Variants in ACTR3C observed in about 807,000 individuals in gnomAD.
ACTR3C encodes the protein actin related protein 3C, also known as actin-related protein 3C.
A neutral mutation model predicts 26.3 loss-of-function variants in ACTR3C; 18 were observed. That is an observed-to-expected ratio of 0.68 (90% CI 0.47 to 1.01). The LOEUF (loss-of-function observed/expected upper bound fraction) is 1.01. ACTR3C is among the 50% of genes least tolerant of loss of function. ACTR3C has a pLI of 0.00. For synonymous variants in ACTR3C, 55 were observed against 94.5 expected, an observed-to-expected ratio of 0.58 and a Z score of 2.42; for missense variants, 184 against 250.7, an observed-to-expected ratio of 0.73 and a Z score of 1.80.
At chr7:149,980,590 C>CCATT in the ACTR3C span, among the ~76,000 whole-genome samples, 66 of 152,286 alleles carry the variant, frequency 4.3e-4, no homozygotes, top group East Asian at 9.6e-4. Context: ...CAGTAAATGT[C>CCATT]CATTCATTCA....
chr7:149,978,120 G>A, the ACTR3C span, among the ~76,000 whole-genome samples: 12 of 151,990 alleles, frequency 7.9e-5, no homozygotes, highest in African/African-American at 2.9e-4. Flanking sequence ...TTCCACTTCT[G>A]CCATAGCCCT....
At chr7:150,159,973 T>G in the ACTR3C span, among the ~76,000 whole-genome samples, 21 of 152,210 alleles carry the variant, frequency 1.4e-4, no homozygotes, top group Non-Finnish European at 1.0e-4. Flanking sequence ...TTTTGTATTT[T>G]TAGTAGAGAC....
At chr7:150,192,458 C>T in the ACTR3C span, among the ~76,000 whole-genome samples, 2 of 152,058 alleles carry the variant, frequency 1.3e-5, no homozygotes, top group East Asian at 1.9e-4. Context: ...CATATCACCA[C>T]GTCCAGTTAA....
At chr7:150,188,815 C>G in the ACTR3C span, among the ~76,000 whole-genome samples, 1 of 151,440 alleles carries the variant, frequency 6.6e-6, no homozygotes, top group Non-Finnish European at 1.5e-5. Context: ...CTCATTCCCC[C>G]CAAAATACAA....
chr7:150,058,038 G>A, the ACTR3C span, among the ~76,000 whole-genome samples: 3 of 152,088 alleles, frequency 2.0e-5, no homozygotes, highest in Non-Finnish European at 4.4e-5. Flanking sequence ...TCCCAGATTC[G>A]GTGACTTTTA....
chr7:149,977,794 G>A, the ACTR3C span, among the ~76,000 whole-genome samples: 1 of 152,196 alleles, frequency 6.6e-6, no homozygotes, highest in Non-Finnish European at 1.5e-5. Flanking sequence ...ATCTGGTAAA[G>A]AGTATGGTGA....
the ACTR3C span, among the ~76,000 whole-genome samples, chr7:150,135,967 TTG>T: frequency 5.1e-4 from 78 of 152,122 alleles, no homozygotes; most frequent in African/African-American, 1.8e-3. Flanking sequence ...CTACAGATTC[TTG>T]CCAGGCATCT....
chr7:149,962,839 G>C, the ACTR3C span, among the ~76,000 whole-genome samples: 1 of 152,152 alleles, frequency 6.6e-6, no homozygotes, highest in Non-Finnish European at 1.5e-5. Context: ...CAGAAACTAC[G>C]TATCTCACTC....
At chr7:149,884,070 C>G in the ACTR3C span, among the ~76,000 whole-genome samples, 1 of 152,150 alleles carries the variant, frequency 6.6e-6, no homozygotes, top group South Asian at 2.1e-4. Context: ...AAGAGCAGCC[C>G]TCAGTTAATT....
chr7:150,006,314 A>G, the ACTR3C span, among the ~76,000 whole-genome samples: 1 of 151,248 alleles, frequency 6.6e-6, no homozygotes, highest in African/African-American at 2.4e-5. Flanking sequence ...CTCCTGCCTC[A>G]GCCTCCCGAG....
chr7:150,113,173 C>T, the ACTR3C span, among the ~76,000 whole-genome samples: 4 of 151,656 alleles, frequency 2.6e-5, no homozygotes, highest in Non-Finnish European at 2.9e-5. Context: ...GCCACTCTAC[C>T]TCACGCTGCT....
chr7:150,008,692 G>A, the ACTR3C span, among the ~76,000 whole-genome samples: 1 of 150,448 alleles, frequency 6.6e-6, no homozygotes, highest in South Asian at 2.1e-4. Flanking sequence ...ATCTCACACT[G>A]AGACTCAACT....
At chr7:149,922,481 T>C in the ACTR3C span, among the ~76,000 whole-genome samples, 206 of 148,508 alleles carry the variant, frequency 1.4e-3, no homozygotes, top group African/African-American at 4.7e-3. Context: ...TATTCATCCA[T>C]CAGCTCCTAG....
chr7:150,143,598 C>T, the ACTR3C span, among the ~76,000 whole-genome samples: 1 of 152,324 alleles, frequency 6.6e-6, no homozygotes, highest in South Asian at 2.1e-4. Context: ...CCCTGATCCC[C>T]GGTGAGTATA....
At chr7:150,121,929 A>T in the ACTR3C span, among the ~76,000 whole-genome samples, 1 of 152,054 alleles carries the variant, frequency 6.6e-6, no homozygotes, top group Non-Finnish European at 1.5e-5. Context: ...ACACTGCACA[A>T]CTACAACCAT....
the ACTR3C span, chr7:150,000,772 C>T: frequency 1.4e-5 from 2 of 139,016 alleles, no homozygotes; most frequent in East Asian, 2.0e-4. Flanking sequence ...CTTCCCAGCC[C>T]GCAGCTCCTG....
chr7:149,887,405 T>C, the ACTR3C span, among the ~76,000 whole-genome samples: 1 of 152,334 alleles, frequency 6.6e-6, no homozygotes, highest in Non-Finnish European at 1.5e-5. Flanking sequence ...AGCGAGACTG[T>C]GATAACAGAC....
the ACTR3C span, among the ~76,000 whole-genome samples, chr7:149,889,008 G>GA: frequency 6.6e-4 from 96 of 144,448 alleles, no homozygotes; most frequent in African/African-American, 2.3e-3. Flanking sequence ...AACTCCACCT[G>GA]AAAAAAAAAT....
chr7:150,285,352 A>ATCATG (rs1196845767), intron 5 of ACTR3C, among the ~76,000 whole-genome samples: 1 of 152,012 alleles, frequency 6.6e-6, no homozygotes, highest in Non-Finnish European at 1.5e-5. Context: ...CCACATGATA[A>ATCATG]TCATGTTATT....
Sources: gnomAD v4.1 joint callset for allele counts (sites outside exome capture counted in the v4.1 genomes callset) on GRCh38, gnomAD v4.1.1 for gene constraint, MANE v1.5 for transcripts, NCBI Gene and HGNC (gene_info 2026-07-23, HGNC 2026-07-21) for gene names.